Variants in RTKN2 observed in about 807,000 individuals in gnomAD.
RTKN2 encodes rhotekin-2.
RTKN2 carries 69 observed loss-of-function variants against 71.5 expected under a neutral mutation model. The ratio of observed to expected loss-of-function variants is 0.96; its 90% CI spans 0.79 to 1.18. RTKN2 has a LOEUF of 1.18. RTKN2 is among the 50% of genes most tolerant of loss of function. The probability of loss-of-function intolerance (pLI) is 0.00; values close to 1 mark genes in which losing one functional copy is unlikely to be tolerated. For synonymous variants in RTKN2, 236 were observed against 236.5 expected (o/e 1.00, Z 0.02); for missense variants, 724 against 719.7 (o/e 1.01, Z -0.07).
Position 62,199,875 on chromosome 10 carries a change from A to T in RTKN2, c.1187-14T>A, listed in dbSNP as rs368455362. Reference sequence around the variant, plus strand: ...GCTTCCATTGGCCTAAGACAGACAGAAAAAAGGTAGACTAGTTTAAAACAT... The same window carrying T: ...GCTTCCATTGGCCTAAGACAGACAGTAAAAAGGTAGACTAGTTTAAAACAT... On this transcript the variant is annotated splice_polypyrimidine_tract_variant and intron_variant, in intron 10 of 11. Transcript: ENST00000373789. 2.2e-5 allele frequency: 33 copies of T among 1,506,228 alleles called. No homozygotes were observed. The highest frequency in any genetic ancestry group is 2.9e-5 in the Non-Finnish European group (32 of 1,086,316). The allele number at this position is 1,506,228 out of a possible 1,614,324, so 93.3% of individuals were successfully genotyped here.
At chr10:62,266,358 C>A (rs1354075484) in intron 1 of RTKN2, among the ~76,000 whole-genome samples, 1 of 152,122 alleles carries the variant, frequency 6.6e-6, no homozygotes, top group African/African-American at 2.4e-5. Context: ...CCGCAGTAAT[C>A]AAGACAGAAA....
chr10:62,238,325 G>A (rs1842300349), intron 5 of RTKN2: 1 of 151,858 alleles, frequency 6.6e-6, no homozygotes, highest in Admixed American at 6.6e-5. Context: ...ACATTTGTCA[G>A]CAGTTATTTT....
At chr10:62,215,157 AT>A in intron 9 of RTKN2, 1 of 999,702 alleles carries the variant, frequency 1.0e-6, no homozygotes, top group Non-Finnish European at 1.4e-6. Context: ...GGTATAAAAT[AT>A]AAGAAAAAAA....
At position 62,193,408 on chromosome 10, in the gene RTKN2, C is replaced by T; in HGVS notation, c.*4500G>A. ...ACGTGTCAGCATTAGTATTTTCTCC[C>T]ATACTCAGATAAAGAAAAATGTTTG... is the stretch of plus-strand genomic sequence containing the variant. On this transcript the variant is annotated 3_prime_UTR_variant, in exon 12 of 12. Coordinates refer to ENST00000373789, the MANE Select transcript of RTKN2 (RefSeq NM_145307.4). The T allele has an allele frequency of 1.0e-6, 1 of 980,766 alleles. No homozygotes were observed. The highest frequency in any genetic ancestry group is 1.2e-6 in the Non-Finnish European group (1 of 825,694). 60.8% of individuals were successfully genotyped at this position (980,766 alleles called of 1,614,324 possible).
chr10:62,201,819 G>A (rs902707267), intron 10 of RTKN2, among the ~76,000 whole-genome samples: 1 of 152,064 alleles, frequency 6.6e-6, no homozygotes, highest in Non-Finnish European at 1.5e-5. Flanking sequence ...CTTTACGACT[G>A]AAACATTTAT....
intron 2 of RTKN2, among the ~76,000 whole-genome samples, chr10:62,255,297 G>T (rs565209431): frequency 1.3e-5 from 2 of 152,260 alleles, no homozygotes; most frequent in South Asian, 4.1e-4. Context: ...CCCAGGAACC[G>T]TGAGCATACC....
At chr10:62,258,803 T>G (rs936320885) in intron 2 of RTKN2, among the ~76,000 whole-genome samples, 1 of 152,130 alleles carries the variant, frequency 6.6e-6, no homozygotes, top group African/African-American at 2.4e-5. Flanking sequence ...AGCCCTGTAA[T>G]AGCTCACCAT....
rs150321765 is a variant in RTKN2, at chr10:62,264,405, G to A, written c.61-1584C>T. The stretch of plus-strand genomic sequence containing the variant: ...ACTATATAAATGTAGTCATTTGCTG[G>A]TTTTCCTTCATTACACATGACTGAA... On this transcript the variant is annotated intron_variant, in intron 1 of 11. Coordinates refer to ENST00000373789, the MANE Select transcript of RTKN2 (RefSeq NM_145307.4). 2.3e-3 allele frequency among the ~76,000 whole-genome samples: 356 copies of A among 152,154 alleles called. 5 individuals are homozygous for A. The highest frequency in any genetic ancestry group is 9.9e-4 in the Non-Finnish European group (67 of 67,980).
chr10:62,187,979 C>T (rs1011382589), intron 8 of RTKN2, among the ~76,000 whole-genome samples: 1 of 152,204 alleles, frequency 6.6e-6, no homozygotes, highest in East Asian at 1.9e-4. Context: ...CCTTATTAAC[C>T]TTATTTCTCA....
chr10:62,262,738 T>C lies in RTKN2; in HGVS notation c.144A>G (p.Lys48=), dbSNP rs758563820. The change falls in exon 2 of 12, where the codon AAA becomes AAG. Residue 48 remains lysine, a synonymous_variant. Transcript: ENST00000373789. The part of the protein sequence containing the change: ...IWKLLSLSTQ[K]DQVLHAVKNL... Reference sequence around the variant, plus strand: ...TCTTAACTGCATGTAAAACTTGATCTTTCTGAGTGCTCAGAGAAAGGAGTT... The same window carrying C: ...TCTTAACTGCATGTAAAACTTGATCCTTCTGAGTGCTCAGAGAAAGGAGTT... The C allele has an allele frequency of 1.2e-6, 2 of 1,613,686 alleles. No individual in the cohort carries two copies. The highest frequency in any genetic ancestry group is 1.7e-6 in the Non-Finnish European group (2 of 1,179,654).
intron 1 of RTKN2, among the ~76,000 whole-genome samples, chr10:62,264,749 T>C (rs1464437043): frequency 6.6e-6 from 1 of 152,146 alleles, no homozygotes; most frequent in African/African-American, 2.4e-5. Context: ...TAGAATCATC[T>C]GAGGCAGAGA....
intron 2 of RTKN2, among the ~76,000 whole-genome samples, chr10:62,250,016 T>C (rs1842549010): frequency 6.6e-6 from 1 of 152,162 alleles, no homozygotes; most frequent in African/African-American, 2.4e-5. Flanking sequence ...TGACCTACAG[T>C]CCACACCAAC....
At chr10:62,229,339 A>C (rs908862502) in intron 6 of RTKN2, among the ~76,000 whole-genome samples, 1 of 152,190 alleles carries the variant, frequency 6.6e-6, no homozygotes, top group Non-Finnish European at 1.5e-5. Context: ...CAAGATCTAG[A>C]ATACAATCAC....
intron 6 of RTKN2, among the ~76,000 whole-genome samples, chr10:62,231,593 C>A (rs924556974): frequency 3.3e-5 from 5 of 152,050 alleles, no homozygotes; most frequent in Non-Finnish European, 7.4e-5. Context: ...TTAGCCAACC[C>A]TAATTTTGAG....
chr10:62,216,234 A>G (rs1841767043), intron 9 of RTKN2, among the ~76,000 whole-genome samples: 1 of 152,042 alleles, frequency 6.6e-6, no homozygotes, highest in Non-Finnish European at 1.5e-5. Flanking sequence ...TTTAAAGGAT[A>G]ATTTCAAAGA....
intron 5 of RTKN2, chr10:62,238,284 A>G (rs996615874): frequency 6.6e-6 from 1 of 152,046 alleles, no homozygotes; most frequent in Non-Finnish European, 1.5e-5. Context: ...AACAATCATC[A>G]TAACAAAAAG....
chr10:62,225,919 C>T (rs1452955083), intron 6 of RTKN2, among the ~76,000 whole-genome samples: 2 of 151,808 alleles, frequency 1.3e-5, no homozygotes, highest in Non-Finnish European at 2.9e-5. Flanking sequence ...GTAGCTGGGA[C>T]TACAGGCGCC....
intron 8 of RTKN2, among the ~76,000 whole-genome samples, chr10:62,184,659 T>C (rs1276037261): frequency 1.3e-5 from 2 of 152,256 alleles, no homozygotes; most frequent in African/African-American, 2.4e-5. Flanking sequence ...GGCTTCCGCC[T>C]ACAGAAAGAG....
chr10:62,226,138 AT>A (rs1842018608), intron 6 of RTKN2, among the ~76,000 whole-genome samples: 1 of 151,808 alleles, frequency 6.6e-6, no homozygotes, highest in South Asian at 2.1e-4. Context: ...TCTTGATTTT[AT>A]TTTTTTTCCA....
Sources: allele counts gnomAD v4.1 joint callset (sites outside exome capture counted in the v4.1 genomes callset), GRCh38; gene constraint gnomAD v4.1.1; transcripts MANE v1.5; gene names NCBI Gene and HGNC (gene_info 2026-07-23, HGNC 2026-07-21).